The following CMTM8 variants were observed in gnomAD, a reference collection of about 807,000 sequenced individuals.
The protein encoded by CMTM8 is CKLF like MARVEL transmembrane domain containing 8.
CMTM8 carries 12 observed loss-of-function variants against 18.6 expected under a neutral mutation model. The observed-to-expected ratio is 0.65, with a 90% CI of 0.41 to 1.05. The LOEUF is 1.05. CMTM8 is among the 50% of genes least tolerant of loss of function. The probability of loss-of-function intolerance (pLI) is 0.00; values close to 1 mark genes in which losing one functional copy is unlikely to be tolerated. For synonymous variants in CMTM8, 87 were observed against 90.6 expected, an observed-to-expected ratio of 0.96 and a Z score of 0.23; for missense variants, 217 against 227.2, an observed-to-expected ratio of 0.95 and a Z score of 0.29.
chr3:32,264,073 A>C (rs1235833966), intron 1 of CMTM8, among the ~76,000 whole-genome samples: 1 of 152,100 alleles, frequency 6.6e-6, no homozygotes, highest in African/African-American at 2.4e-5. Flanking sequence ...AGGCAGGCCA[A>C]CATTCAAATT....
chr3:32,311,994 G>A (rs1695827836), intron 1 of CMTM8, among the ~76,000 whole-genome samples: 1 of 152,218 alleles, frequency 6.6e-6, no homozygotes, highest in Non-Finnish European at 1.5e-5. Context: ...GGATGACTCA[G>A]AGGAGGGGCG....
chr3:32,328,395 A>AAT, intron 1 of CMTM8, among the ~76,000 whole-genome samples: 1 of 138,944 alleles, frequency 7.2e-6, no homozygotes, highest in South Asian at 2.4e-4. Context: ...AAAAAAAAAA[A>AAT]GTAATCCCGG....
chr3:32,315,844 T>C (rs940752347), intron 1 of CMTM8, among the ~76,000 whole-genome samples: 2 of 152,146 alleles, frequency 1.3e-5, no homozygotes, highest in Non-Finnish European at 2.9e-5. Context: ...TGACAACCTA[T>C]ATTTTATTTC....
chr3:32,254,196 G>A (rs1221522348), intron 1 of CMTM8, among the ~76,000 whole-genome samples: 1 of 152,144 alleles, frequency 6.6e-6, no homozygotes, highest in Non-Finnish European at 1.5e-5. Flanking sequence ...ACCCGGCCTT[G>A]TCCCTTTATT....
chr3:32,370,220 T>G lies in CMTM8; in HGVS notation c.*253T>G. 5.0e-6 allele frequency: 1 copy of G among 199,130 alleles called. No individual in the cohort carries two copies. The highest frequency in any genetic ancestry group is 1.0e-5 in the Non-Finnish European group (1 of 98,746). The allele number at this position is 199,130 out of a possible 1,614,324, so 12.3% of individuals were successfully genotyped here. A position where few individuals can be genotyped will look rare whatever the true frequency, so the allele number is the denominator to read the frequency against. On this transcript the variant is annotated 3_prime_UTR_variant, in exon 4 of 4. Transcript: ENST00000307526. ...TCATAGATCATATTTTCTTAGACAA[T>G]GTTTAAATAGATAAATTGCTAATAT... is the stretch of plus-strand genomic sequence containing the variant.
chr3:32,349,329 T>C (rs889011841), intron 1 of CMTM8, among the ~76,000 whole-genome samples: 1 of 151,978 alleles, frequency 6.6e-6, no homozygotes, highest in Non-Finnish European at 1.5e-5. Flanking sequence ...GTCAGTATCT[T>C]TGTCTTTTTT....
At chr3:32,352,791 T>G (rs1696736555) in intron 1 of CMTM8, among the ~76,000 whole-genome samples, 1 of 152,180 alleles carries the variant, frequency 6.6e-6, no homozygotes. Flanking sequence ...TTAGTGAAAC[T>G]TCCCCAAGCT....
intron 1 of CMTM8, among the ~76,000 whole-genome samples, chr3:32,260,637 G>T (rs529742508): frequency 6.6e-6 from 1 of 150,516 alleles, no homozygotes; most frequent in East Asian, 1.9e-4. Context: ...CATCTGATAG[G>T]ATAATCTATC....
chr3:32,294,363 T>C (rs1455951722), intron 1 of CMTM8, among the ~76,000 whole-genome samples: 2 of 152,354 alleles, frequency 1.3e-5, no homozygotes, highest in Admixed American at 6.5e-5. Context: ...AGATGCCTTC[T>C]TCTCTATGAA....
intron 1 of CMTM8, among the ~76,000 whole-genome samples, chr3:32,323,507 C>T (rs1191112989): frequency 6.6e-6 from 1 of 152,088 alleles, no homozygotes; most frequent in Non-Finnish European, 1.5e-5. Context: ...AACCTTGTAA[C>T]TTTTACCCCC....
intron 1 of CMTM8, among the ~76,000 whole-genome samples, chr3:32,351,836 A>T (rs546680971): frequency 6.6e-6 from 1 of 152,258 alleles, no homozygotes; most frequent in Admixed American, 6.5e-5. Context: ...CTCTTATGTA[A>T]AGATCTCTAC....
intron 1 of CMTM8, among the ~76,000 whole-genome samples, chr3:32,281,800 G>A (rs747129614): frequency 2.0e-5 from 3 of 152,106 alleles, no homozygotes; most frequent in African/African-American, 4.8e-5. Flanking sequence ...GAGCCTGAAG[G>A]CCACATTGAC....
intron 1 of CMTM8, among the ~76,000 whole-genome samples, chr3:32,353,705 T>C (rs1277132073): frequency 1.3e-5 from 2 of 152,118 alleles, no homozygotes; most frequent in African/African-American, 4.8e-5. Context: ...TACAAAATTG[T>C]TTATGTTGGT....
chr3:32,279,183 T>G (rs1413332206), intron 1 of CMTM8, among the ~76,000 whole-genome samples: 13 of 149,794 alleles, frequency 8.7e-5, no homozygotes, highest in Non-Finnish European at 1.6e-4. Flanking sequence ...TTTTTTAATT[T>G]TTTTTTTATT....
At chr3:32,306,624 A>C (rs538269343) in intron 1 of CMTM8, among the ~76,000 whole-genome samples, 3 of 152,358 alleles carry the variant, frequency 2.0e-5, no homozygotes, top group South Asian at 4.1e-4. Flanking sequence ...TGGAAGCTAT[A>C]TTCTCAGGAG....
At chr3:32,295,442 C>T (rs1268210222) in intron 1 of CMTM8, among the ~76,000 whole-genome samples, 1 of 86,112 alleles carries the variant, frequency 1.2e-5, no homozygotes, top group Non-Finnish European at 2.1e-5. Context: ...GGCAATAAAG[C>T]GAGACTCCAT....
intron 2 of CMTM8, among the ~76,000 whole-genome samples, chr3:32,361,139 G>A (rs4610266): frequency 0.91 from 139,075 of 152,166 alleles, 64,107 homozygotes; most frequent in Non-Finnish European, 0.97. Flanking sequence ...GCGCCACCAC[G>A]CCCAGCTAAT....
intron 1 of CMTM8, among the ~76,000 whole-genome samples, chr3:32,346,015 G>A (rs1053222638): frequency 1.3e-5 from 2 of 152,172 alleles, no homozygotes; most frequent in East Asian, 1.9e-4. Context: ...TTAGCTGGGC[G>A]TGGTGGCTCA....
At chr3:32,277,627 C>T (rs1388787004) in intron 1 of CMTM8, among the ~76,000 whole-genome samples, 6 of 152,062 alleles carry the variant, frequency 3.9e-5, no homozygotes, top group Non-Finnish European at 7.4e-5. Flanking sequence ...CTCTATTACC[C>T]GAAGTTATGT....
Sources: gnomAD v4.1 joint callset for allele counts (sites outside exome capture counted in the v4.1 genomes callset) on GRCh38, gnomAD v4.1.1 for gene constraint, MANE v1.5 for transcripts, NCBI Gene and HGNC (gene_info 2026-07-23, HGNC 2026-07-21) for gene names.